The following LRP1B variants were observed in gnomAD, a reference collection of about 807,000 sequenced individuals.
LRP1B encodes low-density lipoprotein receptor-related protein 1B.
Under a neutral mutation model 556.6 loss-of-function variants are expected in LRP1B, and 217 were observed. That is an observed-to-expected ratio of 0.39 (90% CI 0.35 to 0.44). The LOEUF (loss-of-function observed/expected upper bound fraction) is 0.44. Ranked by LOEUF, LRP1B falls within the 20% of genes least tolerant of loss-of-function variation. The pLI is 1.00. For synonymous variants in LRP1B, 2,047 were observed against 1,865.8 expected, an observed-to-expected ratio of 1.10 and a Z score of -2.50; for missense variants, 5,053 against 5,620.8, an observed-to-expected ratio of 0.90 and a Z score of 3.23.
chr2:141,198,816 G>C (rs56264415), intron 6 of LRP1B, among the ~76,000 whole-genome samples: 6,064 of 152,116 alleles, frequency 0.04, 407 homozygotes, highest in African/African-American at 0.14. Flanking sequence ...ATTCTTACTC[G>C]ATCCACAAAT....
At chr2:140,331,686 C>CATAT (rs10571873) in intron 79 of LRP1B, among the ~76,000 whole-genome samples, 38,631 of 142,788 alleles carry the variant, frequency 0.27, 6,170 homozygotes, top group Non-Finnish European at 0.38. Context: ...TATATATATA[C>CATAT]ATATATATAT....
chr2:140,911,709 C>T (rs1694424763), intron 21 of LRP1B, among the ~76,000 whole-genome samples: 1 of 151,708 alleles, frequency 6.6e-6, no homozygotes, highest in Non-Finnish European at 1.5e-5. Flanking sequence ...TGTATGAAGT[C>T]ATTTGCAAGA....
Position 141,187,885 on chromosome 2 carries a change from A to T in LRP1B, c.1013+536T>A, listed in dbSNP as rs76725533. Among the ~76,000 whole-genome samples the T allele has an allele frequency of 3.5e-3, 539 of 152,166 alleles. 2 individuals carry two copies. Among genetic ancestry groups the T allele is most frequent in the Non-Finnish European group, 6.1e-3 (412 of 67,974 alleles). ...ATGAATTCTGATGAGGAATTCACTAACACCATAATAATATTTGGGTTTACA... is the reference window on the plus strand; with the variant it reads ...ATGAATTCTGATGAGGAATTCACTATCACCATAATAATATTTGGGTTTACA... On this transcript the variant is annotated intron_variant, in intron 7 of 90. Transcript: ENST00000389484.
intron 1 of LRP1B, among the ~76,000 whole-genome samples, chr2:142,016,012 A>AAAAAAAAAAAAG (rs1559023425): frequency 6.7e-6 from 1 of 149,330 alleles, no homozygotes; most frequent in Admixed American, 6.7e-5. Flanking sequence ...AAAAAAAAAA[A>AAAAAAAAAAAAG]GTGGGTGAAG....
chr2:141,721,358 T>C (rs1392832670), intron 2 of LRP1B, among the ~76,000 whole-genome samples: 1 of 152,186 alleles, frequency 6.6e-6, no homozygotes, highest in Non-Finnish European at 1.5e-5. Context: ...AGATAAACTG[T>C]TGTTGCTTGT....
Position 140,962,111 on chromosome 2 carries a change from T to C in LRP1B, c.2888-10171A>G, listed in dbSNP as rs146052902. Among the ~76,000 whole-genome samples, 354 of 152,360 alleles carry C rather than the reference T, an allele frequency of 2.3e-3. 2 individuals carry two copies. The highest frequency in any genetic ancestry group is 2.3e-3 in the Non-Finnish European group (158 of 68,042). ...AATTGAATAGAGAATGGGTATGCAC[T>C]GAACCTAGAATTTCAGAACCTGTAA... On this transcript the variant is annotated intron_variant, in intron 18 of 90. Coordinates refer to ENST00000389484, the MANE Select transcript of LRP1B (RefSeq NM_018557.3).
At chr2:141,547,868 A>G (rs967728791) in intron 2 of LRP1B, among the ~76,000 whole-genome samples, 3 of 152,200 alleles carry the variant, frequency 2.0e-5, no homozygotes, top group East Asian at 1.9e-4. Flanking sequence ...TAGTAGAAAG[A>G]AAATAAATGG....
chr2:141,037,199 G>C (rs1698559203), intron 11 of LRP1B, among the ~76,000 whole-genome samples: 1 of 152,046 alleles, frequency 6.6e-6, no homozygotes, highest in Non-Finnish European at 1.5e-5. Flanking sequence ...GCACAAAGTA[G>C]CATCTGTCCA....
At chr2:140,593,604 T>C (rs1256717869) in intron 43 of LRP1B, among the ~76,000 whole-genome samples, 1 of 152,160 alleles carries the variant, frequency 6.6e-6, no homozygotes, top group African/African-American at 2.4e-5. Flanking sequence ...TAAGTTAATG[T>C]GTTATTAAAA....
chr2:140,628,630 G>A lies in LRP1B; in HGVS notation c.6800-26991C>T, dbSNP rs116770493. Reference sequence around the variant, plus strand: ...AAAAAAATTAATGATATCTGGGTTCGCAATATTATGGAGAACTGGTGGTAC... The same window carrying A: ...AAAAAAATTAATGATATCTGGGTTCACAATATTATGGAGAACTGGTGGTAC... On this transcript the variant is annotated intron_variant, in intron 41 of 90. Coordinates refer to ENST00000389484, the MANE Select transcript of LRP1B (RefSeq NM_018557.3). Among the ~76,000 whole-genome samples the A allele has an allele frequency of 1.0e-2, 1,513 of 151,976 alleles. 24 individuals carry two copies. The highest frequency in any genetic ancestry group is 0.035 in the African/African-American group (1,451 of 41,430).
chr2:140,323,950 A>C lies in LRP1B; in HGVS notation c.12457T>G (p.Leu4153Val). ...FGHGSVEYLA[L>V]NIDKTKGVLI... is the part of the protein sequence containing the mutation. ...ACACCTTTTGTTTTATCAATATTTA[A>C]AGCTAAGTACTCTACTGAACCATGG... The change falls in exon 81 of 91, where the codon TTA becomes GTA. Residue 4153 changes from leucine (L) to valine (V), a missense_variant. By Grantham distance (32) the Leu-to-Val change is conservative (BLOSUM62 1). Coordinates refer to ENST00000389484, the MANE Select transcript of LRP1B (RefSeq NM_018557.3). 6.3e-7 allele frequency: 1 copy of C among 1,593,754 alleles called. No individual in the cohort carries two copies. Among genetic ancestry groups the C allele is most frequent in the Non-Finnish European group, 8.6e-7 (1 of 1,162,492 alleles).
chr2:140,818,086 A>G (rs558001923), intron 31 of LRP1B, among the ~76,000 whole-genome samples: 6 of 151,846 alleles, frequency 4.0e-5, no homozygotes, highest in Admixed American at 2.0e-4. Flanking sequence ...AAGCTTTCAA[A>G]TGTAATATTT....
At chr2:141,049,998 C>T (rs1478887718) in intron 10 of LRP1B, among the ~76,000 whole-genome samples, 1 of 151,850 alleles carries the variant, frequency 6.6e-6, no homozygotes, top group Non-Finnish European at 1.5e-5. Flanking sequence ...AAAATATATA[C>T]AAGATTCTCC....
intron 14 of LRP1B, 22 bp from the exon 15 acceptor site, chr2:141,005,479 T>A (rs200215151): frequency 1.9e-5 from 30 of 1,606,974 alleles, no homozygotes; most frequent in Non-Finnish European, 2.6e-5. Flanking sequence ...AGAAAGCAAA[T>A]GTGTCAGAGA....
At chr2:140,378,505 A>G (rs1683335304) in intron 67 of LRP1B, among the ~76,000 whole-genome samples, 1 of 152,232 alleles carries the variant, frequency 6.6e-6, no homozygotes, top group Non-Finnish European at 1.5e-5. Flanking sequence ...ATGGCATTAC[A>G]AAAACAAGTT....
At chr2:140,602,652 T>C (rs1225117362) in intron 41 of LRP1B, among the ~76,000 whole-genome samples, 1 of 152,010 alleles carries the variant, frequency 6.6e-6, no homozygotes, top group Non-Finnish European at 1.5e-5. Flanking sequence ...AGGTTTAAGA[T>C]GAGTTAATAT....
chr2:140,992,936 C>T (rs565979138), intron 16 of LRP1B, among the ~76,000 whole-genome samples: 8 of 151,830 alleles, frequency 5.3e-5, no homozygotes, highest in African/African-American at 1.7e-4. Flanking sequence ...AAATGCAGTC[C>T]TATATTTACG....
chr2:141,652,164 T>G (rs1338879810), intron 2 of LRP1B, among the ~76,000 whole-genome samples: 1 of 152,210 alleles, frequency 6.6e-6, no homozygotes, highest in African/African-American at 2.4e-5. Context: ...AGTGACATTA[T>G]AAAGCTTTTG....
intron 84 of LRP1B, among the ~76,000 whole-genome samples, chr2:140,291,320 T>TATATATATATATATATGTATATATA (rs745524571): frequency 1.4e-4 from 7 of 51,852 alleles, no homozygotes; most frequent in Non-Finnish European, 2.7e-4. Context: ...ATATATATAT[T>TATATATATATATATATGTATATATA]TTTATTATAC....
Sources: gnomAD v4.1 joint callset for allele counts (sites outside exome capture counted in the v4.1 genomes callset) on GRCh38, gnomAD v4.1.1 for gene constraint, MANE v1.5 for transcripts, NCBI Gene and HGNC (gene_info 2026-07-23, HGNC 2026-07-21) for gene names.